The following TRMT61B variants were observed in gnomAD, a reference collection of about 807,000 sequenced individuals.
TRMT61B encodes tRNA (adenine(58)-N(1))-methyltransferase, mitochondrial.
TRMT61B carries 56 observed loss-of-function variants against 52.0 expected under a neutral mutation model. That is an observed-to-expected ratio of 1.08 (90% CI 0.87 to 1.35). The LOEUF (loss-of-function observed/expected upper bound fraction) is 1.35, where lower values mean the gene tolerates loss of function less well. Ranked by LOEUF, TRMT61B falls within the 40% of genes most tolerant of loss-of-function variation. TRMT61B has a pLI of 0.00. For synonymous variants in TRMT61B, 206 were observed against 220.0 expected (o/e 0.94, Z 0.56); for missense variants, 650 against 577.9 (o/e 1.12, Z -1.28).
chr2:28,850,735 C>T (rs1341611846), intron 5 of TRMT61B: 4 of 305,666 alleles, frequency 1.3e-5, no homozygotes, highest in Non-Finnish European at 1.8e-5. Context: ...TTAGAAGTTG[C>T]TTTTTGGAAT....
Position 28,870,261 on chromosome 2 carries a change from C to G in TRMT61B, c.17G>C (p.Cys6Ser). MLMAW[C>S]RGPVLLCLRQ... The stretch of plus-strand genomic sequence containing the variant: ...CAGGCACAGCAAGACAGGACCGCGG[C>G]ACCATGCCATTAGCATAGTGTTTCG... The change falls in exon 1 of 7, where the codon TGC becomes TCC. Residue 6 changes from cysteine to serine, a missense_variant. Cys to Ser is a moderately radical substitution (Grantham distance 112). Transcript: ENST00000306108. 1 of 1,593,200 alleles carries G rather than the reference C, an allele frequency of 6.3e-7. No individual in the cohort carries two copies. The highest frequency in any genetic ancestry group is 8.5e-7 in the Non-Finnish European group (1 of 1,171,826).
chr2:28,859,286 A>C (rs2148134623), intron 3 of TRMT61B, among the ~76,000 whole-genome samples: 2 of 151,850 alleles, frequency 1.3e-5, no homozygotes, highest in East Asian at 1.9e-4. Context: ...TCACCGTGTT[A>C]GCCAGGATGG....
chr2:28,866,926 G>A (rs1243222461), intron 1 of TRMT61B, among the ~76,000 whole-genome samples: 1 of 151,556 alleles, frequency 6.6e-6, no homozygotes, highest in Non-Finnish European at 1.5e-5. Context: ...CTCCAAAGTA[G>A]CTGGGACCAC....
chr2:28,851,120 G>C lies in TRMT61B; in HGVS notation c.1264C>G (p.Gln422Glu). ...TCACCTTTAACTCCAATTTTCTCTT[G>C]AGAATCTAGTTGTACATCTGTGTTG... ...KINTDVQLDS[Q>E]EKIGVKGELF... The change falls in exon 5 of 7, where the codon CAA becomes GAA. Residue 422 changes from glutamine (Q) to glutamate (E), a missense_variant. By Grantham distance (29) the Gln-to-Glu change is conservative (BLOSUM62 2). Transcript: ENST00000306108. 6.2e-7 allele frequency: 1 copy of C among 1,611,538 alleles called. No homozygotes were observed. Among genetic ancestry groups the C allele is most frequent in the Non-Finnish European group, 8.5e-7 (1 of 1,179,194 alleles).
chr2:28,870,047 A>C lies in TRMT61B; in HGVS notation c.231T>G (p.Ile77Met). The C allele has an allele frequency of 6.2e-7, 1 of 1,613,740 alleles. No individual in the cohort carries two copies. Among genetic ancestry groups the C allele is most frequent in the Non-Finnish European group, 8.5e-7 (1 of 1,179,960 alleles). ...CPSLPLSISD[I>M]GTGCLSSLEN... ...CCAGTGACGAAAGACATCCAGTCCC[A>C]ATGTCCGAGATGCTCAGAGGGAGAG... The change falls in exon 1 of 7, where the codon ATT becomes ATG. Residue 77 changes from isoleucine (I) to methionine (M), a missense_variant. Ile to Met is a conservative substitution (Grantham distance 10, BLOSUM62 1). Transcript: ENST00000306108.
At position 28,870,252 on chromosome 2, in the gene TRMT61B, G is replaced by A. The variant is rs748423316; in HGVS notation, c.26C>T (p.Pro9Leu). The change falls in exon 1 of 7, where the codon CCT becomes CTT. Residue 9 changes from proline (P) to leucine (L), a missense_variant. Physicochemically the swap from Pro to Leu is moderately conservative, Grantham distance 98. Coordinates refer to ENST00000306108, the MANE Select transcript of TRMT61B (RefSeq NM_017910.4). Reference protein sequence around the residue: MLMAWCRGPVLLCLRQGLG... With the variant: MLMAWCRGLVLLCLRQGLG... Reference sequence around the variant, plus strand: ...CCCCTGCCGCAGGCACAGCAAGACAGGACCGCGGCACCATGCCATTAGCAT... The same window carrying A: ...CCCCTGCCGCAGGCACAGCAAGACAAGACCGCGGCACCATGCCATTAGCAT... 3.7e-6 allele frequency: 6 copies of A among 1,600,048 alleles called. No individual in the cohort carries two copies. The highest frequency in any genetic ancestry group is 4.5e-5 in the East Asian group (2 of 44,716).
intron 3 of TRMT61B, among the ~76,000 whole-genome samples, chr2:28,855,138 G>A (rs1417161608): frequency 6.6e-6 from 1 of 152,126 alleles, no homozygotes; most frequent in South Asian, 2.1e-4. Flanking sequence ...GTCTGTTGAG[G>A]CCACTGTCAC....
chr2:28,851,734 C>A (rs1224255055), intron 4 of TRMT61B, among the ~76,000 whole-genome samples: 1 of 150,928 alleles, frequency 6.6e-6, no homozygotes, highest in East Asian at 2.0e-4. Context: ...CAAAAATTAG[C>A]CGGGTGTGGT....
At chr2:28,868,199 A>G (rs1669929724) in intron 1 of TRMT61B, among the ~76,000 whole-genome samples, 1 of 152,086 alleles carries the variant, frequency 6.6e-6, no homozygotes. Flanking sequence ...AAATACTCAA[A>G]CCACACCTCA....
intron 3 of TRMT61B, among the ~76,000 whole-genome samples, chr2:28,859,383 A>G (rs1572542984): frequency 6.6e-6 from 1 of 152,138 alleles, no homozygotes; most frequent in Non-Finnish European, 1.5e-5. Context: ...GCCCTGCCAG[A>G]GATTTATGTT....
At position 28,851,214 on chromosome 2, in the gene TRMT61B, G is replaced by A; in HGVS notation, c.1170C>T (p.Val390=). ...TTGCAAGGCAAACCAACCAATCTCTGACAATGACCTCGCTTATCTTTTCAC... is the reference window on the plus strand; with the variant it reads ...TTGCAAGGCAAACCAACCAATCTCTAACAATGACCTCGCTTATCTTTTCAC... The part of the protein sequence containing the change: ...LSCEKISEVI[V]RDWLVCLAKQ... The change falls in exon 5 of 7, where the codon GTC becomes GTT. Residue 390 remains valine, a synonymous_variant. Coordinates refer to ENST00000306108, the MANE Select transcript of TRMT61B (RefSeq NM_017910.4). 6.2e-7 allele frequency: 1 copy of A among 1,613,528 alleles called. No homozygotes were observed. Among genetic ancestry groups the A allele is most frequent in the East Asian group, 2.2e-5 (1 of 44,802 alleles).
At chr2:28,861,062 C>T in intron 3 of TRMT61B, 56 bp downstream of exon 3, 3 of 1,426,862 alleles carry the variant, frequency 2.1e-6, no homozygotes, top group South Asian at 1.5e-5. Context: ...AGAAGCCTGA[C>T]CCCTATCTTC....
At chr2:28,866,538 T>C (rs752379983) in intron 1 of TRMT61B, among the ~76,000 whole-genome samples, 6 of 152,206 alleles carry the variant, frequency 3.9e-5, no homozygotes, top group Non-Finnish European at 7.3e-5. Flanking sequence ...TCTAATGCCA[T>C]GGCTGATCTG....
chr2:28,867,301 C>A (rs977519705), intron 1 of TRMT61B, among the ~76,000 whole-genome samples: 3 of 152,058 alleles, frequency 2.0e-5, no homozygotes, highest in African/African-American at 7.2e-5. Flanking sequence ...CCCTATGTTG[C>A]CCCGGCTGGT....
At chr2:28,860,114 A>G (rs1017176275) in intron 3 of TRMT61B, among the ~76,000 whole-genome samples, 1 of 151,514 alleles carries the variant, frequency 6.6e-6, no homozygotes, top group African/African-American at 2.4e-5. Context: ...TCTACTAAAA[A>G]TACAAAAATT....
intron 3 of TRMT61B, among the ~76,000 whole-genome samples, chr2:28,853,424 C>T (rs1295876945): frequency 1.3e-5 from 2 of 152,164 alleles, no homozygotes; most frequent in African/African-American, 2.4e-5. Context: ...GATCTGCCCG[C>T]CTCGGCCTCC....
At chr2:28,853,013 A>G (rs150169005) in intron 3 of TRMT61B, among the ~76,000 whole-genome samples, 6 of 152,262 alleles carry the variant, frequency 3.9e-5, no homozygotes, top group African/African-American at 1.2e-4. Flanking sequence ...TCATAATGAT[A>G]TGTCTTGTAC....
chr2:28,853,361 G>A (rs1669203548), intron 3 of TRMT61B, among the ~76,000 whole-genome samples: 2 of 152,148 alleles, frequency 1.3e-5, no homozygotes, highest in South Asian at 4.2e-4. Flanking sequence ...ATATTATGTA[G>A]ATACAGGTTT....
intron 2 of TRMT61B, among the ~76,000 whole-genome samples, chr2:28,863,830 TG>T: frequency 6.6e-6 from 1 of 152,216 alleles, no homozygotes; most frequent in East Asian, 1.9e-4. Context: ...TATTTCTATC[TG>T]TAATCTTTAT....
Sources: allele counts gnomAD v4.1 joint callset (sites outside exome capture counted in the v4.1 genomes callset), GRCh38; gene constraint gnomAD v4.1.1; transcripts MANE v1.5; gene names NCBI Gene and HGNC (gene_info 2026-07-23, HGNC 2026-07-21).